Variants in ADAMTSL1 observed in about 807,000 individuals in gnomAD.
The protein encoded by ADAMTSL1 is ADAMTS-like protein 1.
A neutral mutation model predicts 201.8 loss-of-function variants in ADAMTSL1; 126 were observed. The ratio of observed to expected loss-of-function variants is 0.62; its 90% CI spans 0.54 to 0.72. The LOEUF (loss-of-function observed/expected upper bound fraction) is 0.72. Ranked by LOEUF, ADAMTSL1 falls within the 30% of genes least tolerant of loss-of-function variation. ADAMTSL1 has a pLI of 0.00. For missense variants in ADAMTSL1, 2,679 were observed against 2,277.8 expected (o/e 1.18, Z -3.59); for synonymous variants, 1,121 against 903.4 (o/e 1.24, Z -4.32).
intron 9 of ADAMTSL1, among the ~76,000 whole-genome samples, chr9:18,668,319 C>T (rs546491192): frequency 2.0e-5 from 3 of 152,122 alleles, no homozygotes; most frequent in Non-Finnish European, 4.4e-5. Context: ...TCTTAGAATG[C>T]ATGATCATAC....
chr9:18,741,753 C>T (rs1818841540), intron 15 of ADAMTSL1, among the ~76,000 whole-genome samples: 1 of 152,196 alleles, frequency 6.6e-6, no homozygotes, highest in Non-Finnish European at 1.5e-5. Flanking sequence ...TAGCATCTGT[C>T]AGCCTGTGAA....
At chr9:17,983,713 A>C (rs1313957613) in intron 1 of ADAMTSL1, among the ~76,000 whole-genome samples, 1 of 152,158 alleles carries the variant, frequency 6.6e-6, no homozygotes, top group Non-Finnish European at 1.5e-5. Context: ...TGGACTGTTA[A>C]AATAACTTGA....
At chr9:18,614,068 G>A (rs181634599) in intron 4 of ADAMTSL1, among the ~76,000 whole-genome samples, 25 of 152,216 alleles carry the variant, frequency 1.6e-4, no homozygotes, top group Admixed American at 1.4e-3. Flanking sequence ...GCTGTCCTAA[G>A]ATGAGAAAGT....
chr9:18,477,232 T>G (rs1821497940), intron 1 of ADAMTSL1, among the ~76,000 whole-genome samples: 1 of 152,210 alleles, frequency 6.6e-6, no homozygotes, highest in Non-Finnish European at 1.5e-5. Flanking sequence ...TCAAATCACT[T>G]CTTGTCAGAA....
chr9:18,283,916 T>TAAAAAAAAA (rs71333034), intron 2 of ADAMTSL1, among the ~76,000 whole-genome samples: 15 of 26,596 alleles, frequency 5.6e-4, no homozygotes, highest in Non-Finnish European at 7.2e-4. Flanking sequence ...AGACTCCGTC[T>TAAAAAAAAA]AAAAAAAAAA....
chr9:18,317,305 G>T (rs2132832615), intron 2 of ADAMTSL1, among the ~76,000 whole-genome samples: 1 of 152,104 alleles, frequency 6.6e-6, no homozygotes, highest in African/African-American at 2.4e-5. Context: ...CAAGTTCTGG[G>T]GGTCGAATGT....
chr9:18,850,915 T>G lies in ADAMTSL1; in HGVS notation c.4249+20938T>G, dbSNP rs1826453035. Among the ~76,000 whole-genome samples, 3 of 152,190 alleles carry G rather than the reference T, an allele frequency of 2.0e-5. No individual in the cohort carries two copies. In the South Asian group the frequency reaches 6.2e-4, roughly 32 times the overall value. ...CTGCCCACCCAGCTCACAGAACTAA[T>G]TATAGTAAGGGTTAAATGAGATGCC... On this transcript the variant is annotated intron_variant, in intron 23 of 28. Coordinates refer to ENST00000380548, the MANE Select transcript of ADAMTSL1 (RefSeq NM_001040272.6).
chr9:17,968,753 T>A (rs1450926479), intron 1 of ADAMTSL1, among the ~76,000 whole-genome samples: 1 of 152,118 alleles, frequency 6.6e-6, no homozygotes, highest in South Asian at 2.1e-4. Flanking sequence ...TATCTATGCA[T>A]GAATTTTGAA....
intron 1 of ADAMTSL1, among the ~76,000 whole-genome samples, chr9:18,016,675 G>T (rs1820273246): frequency 6.6e-6 from 1 of 151,986 alleles, no homozygotes; most frequent in Non-Finnish European, 1.5e-5. Flanking sequence ...TACATTTTTA[G>T]ACTGAATCTC....
chr9:18,682,229 G>C (rs968708789), intron 12 of ADAMTSL1, among the ~76,000 whole-genome samples: 2 of 152,132 alleles, frequency 1.3e-5, no homozygotes, highest in South Asian at 4.1e-4. Flanking sequence ...GAAGAATACG[G>C]ATGTACCTGC....
At chr9:18,208,676 A>T (rs1241384245) in intron 2 of ADAMTSL1, among the ~76,000 whole-genome samples, 1 of 152,194 alleles carries the variant, frequency 6.6e-6, no homozygotes, top group East Asian at 1.9e-4. Context: ...GATCTGACTG[A>T]GAGCACATAG....
At chr9:17,936,478 G>A (rs955428760) in intron 1 of ADAMTSL1, among the ~76,000 whole-genome samples, 1 of 152,152 alleles carries the variant, frequency 6.6e-6, no homozygotes, top group Non-Finnish European at 1.5e-5. Context: ...GACCTCAGGC[G>A]AGTCTAGTAG....
At chr9:18,496,053 A>C (rs1822519332) in intron 1 of ADAMTSL1, among the ~76,000 whole-genome samples, 1 of 152,216 alleles carries the variant, frequency 6.6e-6, no homozygotes, top group Non-Finnish European at 1.5e-5. Flanking sequence ...TAGATAACTC[A>C]AAAATAGAAA....
upstream of ADAMTSL1, among the ~76,000 whole-genome samples, chr9:18,472,149 G>GA (rs939165158): frequency 6.6e-6 from 1 of 152,024 alleles, no homozygotes; most frequent in Non-Finnish European, 1.5e-5. Context: ...TGATAGGAGG[G>GA]AAAAAAATAA....
intron 7 of ADAMTSL1, among the ~76,000 whole-genome samples, chr9:18,656,103 CT>C (rs1441516367): frequency 3.3e-5 from 5 of 152,036 alleles, no homozygotes; most frequent in Admixed American, 2.0e-4. Context: ...CTTTCCACCC[CT>C]CTCAGACTTT....
At chr9:18,147,695 C>G (rs2132030536) in intron 1 of ADAMTSL1, among the ~76,000 whole-genome samples, 1 of 152,134 alleles carries the variant, frequency 6.6e-6, no homozygotes, top group Non-Finnish European at 1.5e-5. Context: ...CTGACCTATT[C>G]TTTTGTTCCA....
chr9:18,549,049 A>G (rs1340155990), intron 3 of ADAMTSL1, among the ~76,000 whole-genome samples: 1 of 151,980 alleles, frequency 6.6e-6, no homozygotes, highest in African/African-American at 2.4e-5. Flanking sequence ...GGAGTGTTCA[A>G]TGAGAAGGGG....
chr9:18,650,181 G>A (rs1048362200), intron 7 of ADAMTSL1, among the ~76,000 whole-genome samples: 9 of 152,160 alleles, frequency 5.9e-5, no homozygotes, highest in African/African-American at 1.2e-4. Context: ...CCGTGGGCGT[G>A]GGACCCTCTG....
At chr9:18,326,565 C>T (rs781208549) in intron 2 of ADAMTSL1, among the ~76,000 whole-genome samples, 2 of 152,234 alleles carry the variant, frequency 1.3e-5, no homozygotes, top group Middle Eastern at 3.4e-3. Context: ...TTTTATTATA[C>T]ATTTGACATT....
Sources: allele counts gnomAD v4.1 joint callset (sites outside exome capture counted in the v4.1 genomes callset), GRCh38; gene constraint gnomAD v4.1.1; transcripts MANE v1.5; gene names NCBI Gene and HGNC (gene_info 2026-07-23, HGNC 2026-07-21).